Variants in BDKRB2 observed in about 807,000 individuals in gnomAD.
BDKRB2 encodes B2 bradykinin receptor.
Under a neutral mutation model 4.0 loss-of-function variants are expected in BDKRB2, and 6 were observed. That is an observed-to-expected ratio of 1.49 (90% confidence interval 0.81 to 2.93). BDKRB2 has a LOEUF of 2.93. Among genes scored for constraint, BDKRB2 ranks in the 30% most tolerant of loss-of-function variants. The pLI, the probability that BDKRB2 is intolerant of heterozygous loss-of-function variation, is 0.00. For missense variants in BDKRB2, 478 were observed against 520.1 expected (o/e 0.92, Z 0.79); for synonymous variants, 225 against 215.3 (o/e 1.05, Z -0.40).
At chr14:96,221,397 G>C (rs1890556805) in intron 1 of BDKRB2, among the ~76,000 whole-genome samples, 1 of 152,160 alleles carries the variant, frequency 6.6e-6, no homozygotes, top group Non-Finnish European at 1.5e-5. Context: ...TGCTATTCAT[G>C]GTGGGTGTCC....
intron 1 of BDKRB2, among the ~76,000 whole-genome samples, chr14:96,224,429 G>A (rs1202473879): frequency 1.3e-5 from 2 of 152,106 alleles, no homozygotes; most frequent in Non-Finnish European, 2.9e-5. Context: ...TACATTGCAG[G>A]GGTTTCTCTG....
chr14:96,224,685 T>C (rs996715091), intron 1 of BDKRB2, among the ~76,000 whole-genome samples: 1 of 152,192 alleles, frequency 6.6e-6, no homozygotes, highest in Non-Finnish European at 1.5e-5. Context: ...GGCTCAACAT[T>C]TCCTGTCTTC....
At chr14:96,239,189 A>G (rs990431865) in intron 2 of BDKRB2, 6 of 985,244 alleles carry the variant, frequency 6.1e-6, no homozygotes, top group Admixed American at 1.2e-4. Context: ...AAAATGCCCA[A>G]TGAGTCCTGC....
chr14:96,240,257 C>T (rs1366985273), intron 2 of BDKRB2, 146 bp from the exon 3 acceptor site: 5 of 1,333,130 alleles, frequency 3.8e-6, no homozygotes, highest in African/African-American at 1.5e-5. Flanking sequence ...TGCACTGGAG[C>T]GCGGGCTGCA....
At chr14:96,213,727 T>C (rs560854125) in intron 1 of BDKRB2, among the ~76,000 whole-genome samples, 2 of 152,054 alleles carry the variant, frequency 1.3e-5, no homozygotes, top group Admixed American at 1.3e-4. Flanking sequence ...CCCAGTGCCA[T>C]TGACATATGC....
chr14:96,225,687 C>T (rs1243332127), intron 1 of BDKRB2, among the ~76,000 whole-genome samples: 5 of 152,188 alleles, frequency 3.3e-5, no homozygotes, highest in Admixed American at 3.3e-4. Context: ...CAGCTCAGTG[C>T]TCTCCCCGGC....
chr14:96,231,373 C>G (rs959392297), intron 1 of BDKRB2, among the ~76,000 whole-genome samples: 11 of 152,158 alleles, frequency 7.2e-5, no homozygotes, highest in African/African-American at 2.7e-4. Context: ...CCGTCTTCCC[C>G]CTACAGACAG....
Position 96,226,888 on chromosome 14 carries a change from G to A in BDKRB2, c.-39-10181G>A, listed in dbSNP as rs112528098. ...ATTCCAACGGCGGAAGAAAGATGGAGGGAGGAATATGTCCAGTCTAATAAC... is the reference window on the plus strand; with the variant it reads ...ATTCCAACGGCGGAAGAAAGATGGAAGGAGGAATATGTCCAGTCTAATAAC... On this transcript the variant is annotated intron_variant, in intron 1 of 2. Coordinates refer to ENST00000554311, the MANE Select transcript of BDKRB2 (RefSeq NM_001379692.1). Among the ~76,000 whole-genome samples, 969 of 152,304 alleles carry A rather than the reference G, an allele frequency of 6.4e-3. 9 individuals are homozygous for A. The highest frequency in any genetic ancestry group is 0.022 in the African/African-American group (934 of 41,556).
At position 96,240,546 on chromosome 14, in the gene BDKRB2, T is replaced by C; in HGVS notation, c.218T>C (p.Leu73Pro). ...TGGGTGCTGTTCGTGCTGGCCACCC[T>C]AGAGAACATCTTTGTCCTCAGCGTC... Reference protein sequence around the residue: ...FLWVLFVLATLENIFVLSVFC... With the variant: ...FLWVLFVLATPENIFVLSVFC... Residue 73 changes from leucine (L) to proline (P), a missense_variant, in exon 3 of 3, where the codon CTA (leucine) becomes CCA (proline). Physicochemically the swap from Leu to Pro is moderately conservative, Grantham distance 98. Coordinates refer to ENST00000554311, the MANE Select transcript of BDKRB2 (RefSeq NM_001379692.1). The C allele has an allele frequency of 6.3e-7, 1 of 1,582,762 alleles. No individual in the cohort carries two copies. The highest frequency in any genetic ancestry group is 1.8e-5 in the Admixed American group (1 of 55,744).
At chr14:96,228,560 C>T (rs1235028518) in intron 1 of BDKRB2, among the ~76,000 whole-genome samples, 1 of 152,186 alleles carries the variant, frequency 6.6e-6, no homozygotes, top group Non-Finnish European at 1.5e-5. Flanking sequence ...TCAGACACTT[C>T]TTCTCTTCTC....
chr14:96,241,765 G>A lies in BDKRB2; in HGVS notation c.*261G>A, dbSNP rs1885300479. 2.6e-6 allele frequency: 1 copy of A among 379,248 alleles called. No individual in the cohort carries two copies. The highest frequency in any genetic ancestry group is 4.4e-6 in the Non-Finnish European group (1 of 226,286). 23.5% of individuals were successfully genotyped at this position (379,248 alleles called of 1,614,324 possible). ...TGTTCTTATTTGCTGCCACACCTGA[G>A]CCAGCCTGCTCCTTCCCAGGAGTGG... On this transcript the variant is annotated 3_prime_UTR_variant, in exon 3 of 3. Transcript: ENST00000554311.
chr14:96,237,188 C>T lies in BDKRB2; in HGVS notation c.74+7C>T. 6.2e-7 allele frequency: 1 copy of T among 1,610,024 alleles called. No homozygotes were observed. Among genetic ancestry groups the T allele is most frequent in the Non-Finnish European group, 8.5e-7 (1 of 1,176,242 alleles). On this transcript the variant is annotated splice_region_variant and intron_variant, in intron 2 of 2. Coordinates refer to ENST00000554311, the MANE Select transcript of BDKRB2 (RefSeq NM_001379692.1). ...CCACCACGGCCTCTTTCAGGTGAGTCAAAGGGATTCCTCAGTTCACTAGTT... is the reference window on the plus strand; with the variant it reads ...CCACCACGGCCTCTTTCAGGTGAGTTAAAGGGATTCCTCAGTTCACTAGTT...
intron 1 of BDKRB2, among the ~76,000 whole-genome samples, chr14:96,234,483 A>C (rs974497903): frequency 6.6e-6 from 1 of 152,164 alleles, no homozygotes; most frequent in African/African-American, 2.4e-5. Flanking sequence ...CGTGGTACCC[A>C]TCAGGGCTCC....
intron 1 of BDKRB2, among the ~76,000 whole-genome samples, chr14:96,226,001 A>T (rs1015491300): frequency 6.6e-6 from 1 of 152,018 alleles, no homozygotes; most frequent in Non-Finnish European, 1.5e-5. Flanking sequence ...TCCTGGACAC[A>T]CCCAGCTACG....
chr14:96,209,724 G>A lies in BDKRB2; in HGVS notation c.-40+4765G>A, dbSNP rs145771812. Among the ~76,000 whole-genome samples the A allele has an allele frequency of 3.3e-4, 51 of 152,248 alleles. No homozygotes were observed. In the East Asian group the frequency reaches 5.2e-3, roughly 16 times the overall value. Reference sequence around the variant, plus strand: ...ATAAAATAATCATAGGGCTGGGCACGGTAGCTCACAACTGTAATCCCAGCA... The same window carrying A: ...ATAAAATAATCATAGGGCTGGGCACAGTAGCTCACAACTGTAATCCCAGCA... On this transcript the variant is annotated intron_variant, in intron 1 of 2. Transcript: ENST00000554311.
intron 1 of BDKRB2, among the ~76,000 whole-genome samples, chr14:96,230,024 C>T (rs969106910): frequency 2.6e-5 from 4 of 151,438 alleles, no homozygotes; most frequent in Non-Finnish European, 5.9e-5. Context: ...GTACCAACTA[C>T]TCGGGAGGCT....
In BDKRB2 at chr14:96,241,363, G is replaced by A. The variant is rs1279036284; in HGVS notation, c.1035G>A (p.Glu345=). The stretch of plus-strand genomic sequence containing the variant: ...AGCGCTTCCGAAAGAAGTCTTGGGA[G>A]GTGTACCAGGGAGTGTGCCAGAAAG... ...VGKRFRKKSW[E]VYQGVCQKGG... is the part of the protein sequence containing the mutation. The change falls in exon 3 of 3, where the codon GAG becomes GAA. Residue 345 remains glutamate, a synonymous_variant. Transcript: ENST00000554311. 5 of 1,613,968 alleles carry A rather than the reference G, an allele frequency of 3.1e-6. No individual in the cohort carries two copies. The highest frequency in any genetic ancestry group is 4.2e-6 in the Non-Finnish European group (5 of 1,180,012).
chr14:96,238,741 C>A, intron 2 of BDKRB2: 1 of 984,930 alleles, frequency 1.0e-6, no homozygotes, highest in Non-Finnish European at 1.2e-6. Context: ...TGCTTCTTAT[C>A]CTTCAAGACC....
At chr14:96,216,705 AGGAGGAGGAAGAG>A (rs1156872466) in intron 1 of BDKRB2, among the ~76,000 whole-genome samples, 1 of 99,120 alleles carries the variant, frequency 1.0e-5, no homozygotes, top group African/African-American at 4.1e-5. Context: ...AGGAGGAGGA[AGGAGGAGGAAGAG>A]GAAGGAGGAG....
Sources: gnomAD v4.1 joint callset for allele counts (sites outside exome capture counted in the v4.1 genomes callset) on GRCh38, gnomAD v4.1.1 for gene constraint, MANE v1.5 for transcripts, NCBI Gene and HGNC (gene_info 2026-07-23, HGNC 2026-07-21) for gene names.